Variants in TULP1 observed in about 807,000 individuals in gnomAD.
TULP1 encodes TUB like protein 1, also known as tubby-related protein 1.
A neutral mutation model predicts 67.1 loss-of-function variants in TULP1; 50 were observed. The ratio of observed to expected loss-of-function variants is 0.75; its 90% CI spans 0.59 to 0.94. The LOEUF (loss-of-function observed/expected upper bound fraction) is 0.94. TULP1 is among the 40% of genes least tolerant of loss of function. The pLI is 0.00. For missense variants in TULP1, 746 were observed against 734.1 expected, an observed-to-expected ratio of 1.02 and a Z score of -0.19; for synonymous variants, 297 against 294.0, an observed-to-expected ratio of 1.01 and a Z score of -0.11.
rs199605485 is a variant in TULP1, at chr6:35,512,771, C to G, written c.47+41G>C. On this transcript the variant is annotated intron_variant, in intron 1 of 14. Transcript: ENST00000229771. ...CCACTCCCCATCCCTCCATCTAGGCCCCCCAGGGTTCAGGTGCCACGAACT... is the reference window on the plus strand; with the variant it reads ...CCACTCCCCATCCCTCCATCTAGGCGCCCCAGGGTTCAGGTGCCACGAACT... 352 of 1,612,344 alleles carry G rather than the reference C, an allele frequency of 2.2e-4. 1 individual carries two copies. In the African/African-American group the frequency reaches 3.9e-3, roughly 18 times the overall value.
In TULP1 at chr6:35,503,497, G is replaced by T. The variant is rs1214083471; in HGVS notation, c.1323+62C>A. On this transcript the variant is annotated intron_variant, in intron 13 of 14. Transcript: ENST00000229771. This position sits in a 1 kb window ranked among gnomAD's most constrained non-coding sequence, Gnocchi z 4.0. The stretch of plus-strand genomic sequence containing the variant: ...GCTCAGGGAGTTGGCTATTTCCTAA[G>T]CTGAGCCCCGACTCCTGTTTCTCAC... 24 of 1,506,088 alleles carry T rather than the reference G, an allele frequency of 1.6e-5. No individual in the cohort carries two copies. The highest frequency in any genetic ancestry group is 1.7e-4 in the Middle Eastern group (1 of 5,888). The allele number at this position is 1,506,088 out of a possible 1,614,324, so 93.3% of individuals were successfully genotyped here. A position where few individuals can be genotyped will look rare whatever the true frequency, so the allele number is the denominator to read the frequency against.
In TULP1 at chr6:35,498,291, C is replaced by T. The variant is rs1024629063; in HGVS notation, c.*36G>A. ...CCTCCACTGAATCCTTTCCCCCACG[C>T]TGACGGGCTCTGGGGGCGCTGAGGG... On this transcript the variant is annotated 3_prime_UTR_variant, in exon 15 of 15. Transcript: ENST00000229771. This position sits in a 1 kb window ranked among gnomAD's most constrained non-coding sequence, Gnocchi z 6.7. 6.2e-7 allele frequency: 1 copy of T among 1,609,128 alleles called. No homozygotes were observed. The highest frequency in any genetic ancestry group is 2.2e-5 in the East Asian group (1 of 44,788).
Position 35,503,602 on chromosome 6 carries a change from C to T in TULP1, c.1280G>A (p.Gly427Asp). 6.3e-7 allele frequency: 1 copy of T among 1,596,024 alleles called. No homozygotes were observed. The highest frequency in any genetic ancestry group is 8.5e-7 in the Non-Finnish European group (1 of 1,171,660). ...GACCCTCTCGTTCTCCGCACTCATG[C>T]CAGGAATGATGACGGTCATGCGCCG... ...GPRRMTVIIP[G>D]MSAENERVPI... The change falls in exon 13 of 15, where the codon GGC becomes GAC. Residue 427 changes from glycine (G) to aspartate (D), a missense_variant. Around this residue, in one of 3 missense-constraint regions of TULP1, gnomAD observed 383 missense variants for 374.1 expected, o/e 1.02. Transcript: ENST00000229771. This position sits in a 1 kb window ranked among gnomAD's most constrained non-coding sequence, Gnocchi z 4.0.
chr6:35,509,869 G>A lies in TULP1; in HGVS notation c.559C>T (p.Pro187Ser), dbSNP rs748334290. The A allele has an allele frequency of 6.0e-5, 97 of 1,613,844 alleles. No homozygotes were observed. The highest frequency in any genetic ancestry group is 8.1e-5 in the Non-Finnish European group (96 of 1,180,024). ...CTCATCTTGGTCCCCTCCCCTGCTGGAGCTTCCTTATTCCTAACACGCAGA... is the reference window on the plus strand; with the variant it reads ...CTCATCTTGGTCCCCTCCCCTGCTGAAGCTTCCTTATTCCTAACACGCAGA... ...KPLRVRNKEA[P>S]AGEGTKMRKT... Residue 187 changes from proline to serine, a missense_variant, in exon 6 of 15, where the codon CCA becomes TCA. Coordinates refer to ENST00000229771, the MANE Select transcript of TULP1 (RefSeq NM_003322.6).
At position 35,498,177 on chromosome 6, in the gene TULP1, G is replaced by A; in HGVS notation, c.*150C>T. The A allele has an allele frequency of 1.5e-6, 2 of 1,302,896 alleles. No homozygotes were observed. The highest frequency in any genetic ancestry group is 2.1e-6 in the Non-Finnish European group (2 of 958,830). 80.7% of individuals were successfully genotyped at this position (1,302,896 alleles called of 1,614,324 possible). ...GCCTCGGCCTGTGCCAGGCTGGGGA[G>A]AGGACGGAGGTCACCGAGAGGCAGT... is the stretch of plus-strand genomic sequence containing the variant. On this transcript the variant is annotated 3_prime_UTR_variant, in exon 15 of 15. Transcript: ENST00000229771. The surrounding 1 kb of genome is among the most constrained non-coding windows in gnomAD (Gnocchi z 6.7).
Position 35,512,666 on chromosome 6 carries a change from G to A in TULP1, c.72C>T (p.Ser24=). 1 of 1,614,040 alleles carries A rather than the reference G, an allele frequency of 6.2e-7. No homozygotes were observed. Among genetic ancestry groups the A allele is most frequent in the Non-Finnish European group, 8.5e-7 (1 of 1,179,980 alleles). Residue 24 remains serine (S), a synonymous_variant, in exon 2 of 15, where the codon AGC becomes AGT. Transcript: ENST00000229771. ...GTTTGGGGCGCCGCGGGGCCTCCGG[G>A]CTCAGGCTTTCTTCTTCATGCCCAC... ...SDSGHEEESL[S]PEAPRRPKQR... is the part of the protein sequence containing the mutation.
chr6:35,512,729 TTCCCTCCCCA>T, intron 1 of TULP1, 39 bp from the exon 2 acceptor site: 1 of 1,607,756 alleles, frequency 6.2e-7, no homozygotes, highest in Non-Finnish European at 8.5e-7. Context: ...TCCCTTCCCC[TTCCCTCCCCA>T]TCCCACCCAC....
Position 35,506,059 on chromosome 6 carries a change from C to A in TULP1, c.943G>T (p.Gly315Cys). The A allele has an allele frequency of 6.2e-7, 1 of 1,613,862 alleles. No homozygotes were observed. Among genetic ancestry groups the A allele is most frequent in the Non-Finnish European group, 8.5e-7 (1 of 1,180,036 alleles). ...GAGGGATACATGCCTCGATCCATGC[C>A]CTTTTTGTCCCGGGTCAGCCGGCAG... ...VRCRLTRDKKGMDRGMYPSYF... is the reference protein window; with the variant it reads ...VRCRLTRDKKCMDRGMYPSYF... The change falls in exon 10 of 15, where the codon GGC (glycine) becomes TGC (cysteine). Residue 315 changes from glycine to cysteine, a missense_variant. Physicochemically the swap from Gly to Cys is radical, Grantham distance 159. This residue lies in a region of TULP1 where 383 missense variants were observed against 374.1 expected (regional missense o/e 1.02). Transcript: ENST00000229771.
At chr6:35,509,553 T>C (rs1346078261) in intron 7 of TULP1, 81 bp downstream of exon 7, 2 of 1,403,122 alleles carry the variant, frequency 1.4e-6, no homozygotes, top group Non-Finnish European at 2.0e-6. Context: ...AGCACTGTCT[T>C]GTATGCTGTA....
chr6:35,509,954 C>T lies in TULP1; in HGVS notation c.500-26G>A, dbSNP rs560903651. 1,027 of 1,609,998 alleles carry T rather than the reference C, an allele frequency of 6.4e-4. 12 individuals carry two copies. The South Asian group carries it at 0.01, about 16-fold the overall frequency. ...CTGGAAATGGAAGATGGGGGTCAGG[C>T]AAAGAAGGTGTCTACTGGGGCTGAA... On this transcript the variant is annotated intron_variant, in intron 5 of 14. Coordinates refer to ENST00000229771, the MANE Select transcript of TULP1 (RefSeq NM_003322.6).
Position 35,511,776 on chromosome 6 carries a change from G to T in TULP1, c.221C>A (p.Pro74His). The change falls in exon 4 of 15, where the codon CCT becomes CAT. Residue 74 changes from proline (P) to histidine (H), a missense_variant. Physicochemically the swap from Pro to His is moderately conservative, Grantham distance 77. Transcript: ENST00000229771. The stretch of plus-strand genomic sequence containing the variant: ...CCGGGCCTGGGCTGGGTCTGGGGAA[G>T]GCTCCTCCCGCGGCCTCCCCGTCCG... ...AGRTGRPREE[P>H]SPDPAQARAP... is the part of the protein sequence containing the mutation. The T allele has an allele frequency of 6.4e-7, 1 of 1,573,674 alleles. No individual in the cohort carries two copies. Among genetic ancestry groups the T allele is most frequent in the Non-Finnish European group, 8.6e-7 (1 of 1,159,532 alleles).
rs1000170007 is a variant in TULP1 at position 35,510,524 on chromosome 6, A to G, written c.499+337T>C. 5.3e-5 allele frequency among the ~76,000 whole-genome samples: 8 copies of G among 152,236 alleles called. No homozygotes were observed. The East Asian group carries it at 1.5e-3, about 29-fold the overall frequency. On this transcript the variant is annotated intron_variant, in intron 5 of 14. Coordinates refer to ENST00000229771, the MANE Select transcript of TULP1 (RefSeq NM_003322.6). ...AGCATTGATTCATTGATTTCTTTTT[A>G]CTGTAATCACTTTGATACTTTTATA...
intron 2 of TULP1, 133 bp downstream of exon 2, chr6:35,512,506 C>A: frequency 8.0e-7 from 1 of 1,249,794 alleles, no homozygotes; most frequent in Non-Finnish European, 1.1e-6. Context: ...CCCTTTCTCC[C>A]CCCAGATCTC....
At chr6:35,505,881 G>T (rs747245617) in intron 10 of TULP1, 28 bp from the exon 11 acceptor site, 5 of 1,614,186 alleles carry the variant, frequency 3.1e-6, no homozygotes, top group Non-Finnish European at 4.2e-6. Flanking sequence ...CAGGTGAGAG[G>T]ATGGGAAGAG....
chr6:35,502,642 T>C (rs1470378964), intron 13 of TULP1, among the ~76,000 whole-genome samples: 1 of 151,542 alleles, frequency 6.6e-6, no homozygotes, highest in Non-Finnish European at 1.5e-5. Context: ...GAGATTACAG[T>C]TGCCCACTGC....
At chr6:35,510,648 G>A (rs1761176530) in intron 5 of TULP1, 3 of 973,948 alleles carry the variant, frequency 3.1e-6, no homozygotes, top group Non-Finnish European at 4.4e-6. Flanking sequence ...AGAGCTCAAG[G>A]GGCAGGGGCA....
Position 35,498,823 on chromosome 6 carries a change from C to T in TULP1, c.1496-363G>A, listed in dbSNP as rs988617934. ...CCACAGTCTTTCCTCCTATCCCCAG[C>T]CACGAAGTCCCACCTTAGACCCCAG... On this transcript the variant is annotated intron_variant, in intron 14 of 14. Coordinates refer to ENST00000229771, the MANE Select transcript of TULP1 (RefSeq NM_003322.6). This position sits in a 1 kb window ranked among gnomAD's most constrained non-coding sequence, Gnocchi z 6.7. 2.0e-5 allele frequency among the ~76,000 whole-genome samples: 3 copies of T among 152,166 alleles called. No homozygotes were observed. Among genetic ancestry groups the T allele is most frequent in the African/African-American group, 7.2e-5 (3 of 41,430 alleles).
chr6:35,501,824 A>G (rs147780385), intron 13 of TULP1, among the ~76,000 whole-genome samples: 10 of 152,296 alleles, frequency 6.6e-5, no homozygotes, highest in Admixed American at 2.0e-4. Context: ...AACAAAAACA[A>G]AAACAAAAAC....
chr6:35,511,407 C>T (rs1761199360), intron 4 of TULP1, among the ~76,000 whole-genome samples: 2 of 152,012 alleles, frequency 1.3e-5, no homozygotes, highest in African/African-American at 4.8e-5. Context: ...CTGGTTAAGG[C>T]AAAAACCCTT....
Sources: gnomAD v4.1 joint callset for allele counts (sites outside exome capture counted in the v4.1 genomes callset) on GRCh38, gnomAD v4.1.1 for gene constraint, gnomAD v4.1.1 regional missense constraint, Gnocchi (gnomAD v3.1) non-coding constraint, MANE v1.5 for transcripts, NCBI Gene and HGNC (gene_info 2026-07-23, HGNC 2026-07-21) for gene names.